The following ITGA4 variants were observed in gnomAD, a reference collection of about 807,000 sequenced individuals.
ITGA4 encodes the protein integrin alpha-4.
ITGA4 carries 63 observed loss-of-function variants against 133.6 expected under a neutral mutation model. The observed-to-expected ratio is 0.47, with a 90% CI of 0.38 to 0.58. ITGA4 has a LOEUF of 0.58. Among genes scored for constraint, ITGA4 ranks in the 20% least tolerant of loss-of-function variants. The pLI is 0.00. For synonymous variants in ITGA4, 483 were observed against 438.0 expected, an observed-to-expected ratio of 1.10 and a Z score of -1.28; for missense variants, 1,076 against 1,252.7, an observed-to-expected ratio of 0.86 and a Z score of 2.13.
Position 181,482,664 on chromosome 2 carries a change from G to A in ITGA4, c.1041+13G>A. The stretch of plus-strand genomic sequence containing the variant: ...CAACTCTGGCTCGGTATGTCCAAGT[G>A]CCCCAACTGGAAGCCATTTATGGAA... On this transcript the variant is annotated intron_variant, in intron 9 of 27. Coordinates refer to ENST00000397033, the MANE Select transcript of ITGA4 (RefSeq NM_000885.6). 6.2e-7 allele frequency: 1 copy of A among 1,611,136 alleles called. No homozygotes were observed.
intron 9 of ITGA4, among the ~76,000 whole-genome samples, chr2:181,483,983 T>A (rs1010629943): frequency 2.0e-5 from 3 of 152,206 alleles, no homozygotes; most frequent in Non-Finnish European, 4.4e-5. Context: ...ACTACTCTTA[T>A]GAAACACTTG....
rs199699122 is a variant in ITGA4, at chr2:181,523,539, G to A, written c.2169+7G>A. ...TGTAGATCATCTCTCAAGGGTAAGT[G>A]TTTCATATTTATGGCTTTTGTTCAC... On this transcript the variant is annotated splice_region_variant and intron_variant, in intron 19 of 27. Coordinates refer to ENST00000397033, the MANE Select transcript of ITGA4 (RefSeq NM_000885.6). The surrounding 1 kb of genome is among the most constrained non-coding windows in gnomAD (Gnocchi z 4.2). 16 of 1,476,146 alleles carry A rather than the reference G, an allele frequency of 1.1e-5. No homozygotes were observed. The highest frequency in any genetic ancestry group is 6.9e-5 in the African/African-American group (5 of 72,114). 91.4% of individuals were successfully genotyped at this position (1,476,146 alleles called of 1,614,324 possible).
chr2:181,526,989 G>A (rs1360034929), intron 21 of ITGA4, among the ~76,000 whole-genome samples: 1 of 151,248 alleles, frequency 6.6e-6, no homozygotes, highest in African/African-American at 2.4e-5. Flanking sequence ...ACGCCACCAC[G>A]CCCAGCTAAT....
At chr2:181,490,185 T>TG (rs1686017549) in intron 10 of ITGA4, among the ~76,000 whole-genome samples, 2 of 152,180 alleles carry the variant, frequency 1.3e-5, no homozygotes, top group Admixed American at 1.3e-4. Context: ...AGGCCCAGGA[T>TG]GTGGGGCCAG....
chr2:181,493,183 T>C, intron 10 of ITGA4, 142 bp from the exon 11 acceptor site: 2 of 597,640 alleles, frequency 3.3e-6, no homozygotes, highest in Middle Eastern at 3.6e-4. Flanking sequence ...AGTATTTTAT[T>C]TTTTTCTGTC....
chr2:181,495,927 A>C lies in ITGA4; in HGVS notation c.1530A>C (p.Pro510=). 1 of 1,613,824 alleles carries C rather than the reference A, an allele frequency of 6.2e-7. No homozygotes were observed. Among genetic ancestry groups the C allele is most frequent in the Non-Finnish European group, 8.5e-7 (1 of 1,179,816 alleles). ...LCFSYKGKEV[P]GYIVLFYNMS... ...TCTCATATAAGGGCAAGGAAGTTCCAGGTTACATTGGTGGGTATGCCCTAC... is the reference window on the plus strand; with the variant it reads ...TCTCATATAAGGGCAAGGAAGTTCCCGGTTACATTGGTGGGTATGCCCTAC... The change falls in exon 14 of 28, where the codon CCA becomes CCC. Residue 510 remains proline, a synonymous_variant. Coordinates refer to ENST00000397033, the MANE Select transcript of ITGA4 (RefSeq NM_000885.6). This position sits in a 1 kb window ranked among gnomAD's most constrained non-coding sequence, Gnocchi z 4.3.
At chr2:181,505,627 T>C (rs1686377477) in intron 15 of ITGA4, among the ~76,000 whole-genome samples, 1 of 152,132 alleles carries the variant, frequency 6.6e-6, no homozygotes, top group Admixed American at 6.6e-5. Flanking sequence ...CTTTTGTCCT[T>C]AGGTGGAGCT....
chr2:181,523,917 G>C lies in ITGA4; in HGVS notation c.2170-254G>C, dbSNP rs1686780093. ...AAGTTGTGAAAGCATTTCTAATTTT[G>C]TCTAGACTTGCCTGCGTTCACATTC... On this transcript the variant is annotated intron_variant, in intron 19 of 27. Coordinates refer to ENST00000397033, the MANE Select transcript of ITGA4 (RefSeq NM_000885.6). The surrounding 1 kb of genome is among the most constrained non-coding windows in gnomAD (Gnocchi z 4.2). 6.6e-6 allele frequency among the ~76,000 whole-genome samples: 1 copy of C among 152,012 alleles called. No homozygotes were observed. The highest frequency in any genetic ancestry group is 2.4e-5 in the African/African-American group (1 of 41,374).
intron 15 of ITGA4, among the ~76,000 whole-genome samples, chr2:181,505,693 G>C (rs530134420): frequency 6.6e-6 from 1 of 152,082 alleles, no homozygotes; most frequent in Non-Finnish European, 1.5e-5. Context: ...AAGAGTGCAT[G>C]TACATTTTAT....
At chr2:181,477,810 A>G (rs1389038391) in intron 4 of ITGA4, among the ~76,000 whole-genome samples, 1 of 152,130 alleles carries the variant, frequency 6.6e-6, no homozygotes. Flanking sequence ...TAAAAATAAA[A>G]CTACCATATG....
intron 17 of ITGA4, among the ~76,000 whole-genome samples, chr2:181,514,087 A>C (rs1185575832): frequency 6.6e-6 from 1 of 152,138 alleles, no homozygotes; most frequent in Non-Finnish European, 1.5e-5. Flanking sequence ...TTAGTTAAGA[A>C]TCTCCTTATC....
At position 181,516,873 on chromosome 2, in the gene ITGA4, T is replaced by C. The variant is rs1686617534; in HGVS notation, c.1922+5098T>C. On this transcript the variant is annotated intron_variant, in intron 17 of 27. Transcript: ENST00000397033. This position sits in a 1 kb window ranked among gnomAD's most constrained non-coding sequence, Gnocchi z 4.0. ...AGAGCTAGTGTGATGAAATTGTCCA[T>C]TTTTAAAATGGAAATAGTACGAATA... 6.6e-6 allele frequency among the ~76,000 whole-genome samples: 1 copy of C among 152,062 alleles called. No individual in the cohort carries two copies. Among genetic ancestry groups the C allele is most frequent in the Non-Finnish European group, 1.5e-5 (1 of 67,996 alleles).
At chr2:181,477,849 T>G (rs1685710901) in intron 4 of ITGA4, among the ~76,000 whole-genome samples, 1 of 152,052 alleles carries the variant, frequency 6.6e-6, no homozygotes, top group Non-Finnish European at 1.5e-5. Context: ...TGGGTATATA[T>G]CCAAAGGAAA....
intron 14 of ITGA4, among the ~76,000 whole-genome samples, chr2:181,496,975 A>C (rs1686169993): frequency 6.6e-6 from 1 of 152,176 alleles, no homozygotes; most frequent in Non-Finnish European, 1.5e-5. Context: ...AAAGGTACAC[A>C]ATGAGCCTGG....
rs1466109 is a variant in ITGA4, at chr2:181,511,819, T to G, written c.1922+44T>G. The G allele has an allele frequency of 0.99, 868,791 of 874,192 alleles. 431,895 individuals are homozygous for G. The highest frequency in any genetic ancestry group is 1 in the East Asian group (41,158 of 41,158). 54.2% of individuals were successfully genotyped at this position (874,192 alleles called of 1,614,324 possible). A position where few individuals can be genotyped will look rare whatever the true frequency, so the allele number is the denominator to read the frequency against. Reference sequence around the variant, plus strand: ...TAGTCTCTGTTATTCATCGAGAGGGTGTAATGAGTGTGTGCATTTGCATTC... The same window carrying G: ...TAGTCTCTGTTATTCATCGAGAGGGGGTAATGAGTGTGTGCATTTGCATTC... On this transcript the variant is annotated intron_variant, in intron 17 of 27. Coordinates refer to ENST00000397033, the MANE Select transcript of ITGA4 (RefSeq NM_000885.6).
At position 181,537,383 on chromosome 2, in the gene ITGA4, G is replaced by C; in HGVS notation, c.*1856G>C. The C allele has an allele frequency of 2.2e-6, 1 of 453,286 alleles. No homozygotes were observed. The highest frequency in any genetic ancestry group is 4.4e-6 in the Non-Finnish European group (1 of 226,334). 28.1% of individuals were successfully genotyped at this position (453,286 alleles called of 1,614,324 possible). A position where few individuals can be genotyped will look rare whatever the true frequency, so the allele number is the denominator to read the frequency against. ...CAAGGGGAACACAATTACATATTGGGCTAGATTTTGCCCAGTTCAAAATAG... is the reference window on the plus strand; with the variant it reads ...CAAGGGGAACACAATTACATATTGGCCTAGATTTTGCCCAGTTCAAAATAG... On this transcript the variant is annotated 3_prime_UTR_variant, in exon 28 of 28. Transcript: ENST00000397033.
chr2:181,537,405 A>ATAGTATTTGTTAT lies in ITGA4; in HGVS notation c.*1879_*1891dup, dbSNP rs1553511280. On this transcript the variant is annotated 3_prime_UTR_variant, in exon 28 of 28. Coordinates refer to ENST00000397033, the MANE Select transcript of ITGA4 (RefSeq NM_000885.6). ...TGGGCTAGATTTTGCCCAGTTCAAA[A>ATAGTATTTGTTAT]TAGTATTTGTTATCAACTTACTTTG... 9 of 450,118 alleles carry ATAGTATTTGTTAT rather than the reference A, an allele frequency of 2.0e-5. No homozygotes were observed. The highest frequency in any genetic ancestry group is 1.6e-4 in the African/African-American group (8 of 49,808). 27.9% of individuals were successfully genotyped at this position (450,118 alleles called of 1,614,324 possible).
intron 17 of ITGA4, among the ~76,000 whole-genome samples, chr2:181,517,923 C>T (rs1048846849): frequency 1.8e-4 from 28 of 151,938 alleles, no homozygotes; most frequent in African/African-American, 6.3e-4. Flanking sequence ...GGTTACAAGC[C>T]AGAATATTTT....
chr2:181,468,785 AAAAT>A (rs1472195881), intron 2 of ITGA4, among the ~76,000 whole-genome samples: 1 of 152,214 alleles, frequency 6.6e-6, no homozygotes, highest in Non-Finnish European at 1.5e-5. Flanking sequence ...CAAATTAAAA[AAAAT>A]AGGAAAGAGA....
Sources: gnomAD v4.1 joint callset for allele counts (sites outside exome capture counted in the v4.1 genomes callset) on GRCh38, gnomAD v4.1.1 for gene constraint, Gnocchi (gnomAD v3.1) non-coding constraint, MANE v1.5 for transcripts, NCBI Gene and HGNC (gene_info 2026-07-23, HGNC 2026-07-21) for gene names.